Variants in SLC24A3 observed in about 807,000 individuals in gnomAD.
The protein encoded by SLC24A3 is solute carrier family 24 member 3, also known as sodium/potassium/calcium exchanger 3.
SLC24A3 carries 28 observed loss-of-function variants against 75.8 expected under a neutral mutation model. The observed-to-expected ratio is 0.37, with a 90% CI of 0.27 to 0.51. The LOEUF is 0.51. SLC24A3 is among the 20% of genes least tolerant of loss of function. SLC24A3 has a pLI of 0.94. For missense variants in SLC24A3, 663 were observed against 847.8 expected (o/e 0.78, Z 2.71); for synonymous variants, 372 against 334.1 (o/e 1.11, Z -1.24).
At chr20:19,500,085 G>A (rs180724387) in intron 2 of SLC24A3, among the ~76,000 whole-genome samples, 1 of 152,274 alleles carries the variant, frequency 6.6e-6, no homozygotes, top group Non-Finnish European at 1.5e-5. Flanking sequence ...AATGTGTGGT[G>A]CACACCTGTG....
intron 3 of SLC24A3, among the ~76,000 whole-genome samples, chr20:19,523,950 G>A (rs1165849003): frequency 6.6e-6 from 1 of 152,086 alleles, no homozygotes; most frequent in Admixed American, 6.6e-5. Flanking sequence ...CCTGAATACT[G>A]GACAGGCAAG....
chr20:19,513,351 C>T (rs1227672801), intron 2 of SLC24A3, among the ~76,000 whole-genome samples: 1 of 152,194 alleles, frequency 6.6e-6, no homozygotes, highest in Non-Finnish European at 1.5e-5. Flanking sequence ...ATCTGTCTTC[C>T]CCTTGGGTTC....
rs182552582 is a variant in SLC24A3, at chr20:19,213,140, C to T, written c.142+156C>T. On this transcript the variant is annotated intron_variant, in intron 1 of 16. Transcript: ENST00000328041. ...AGTGGGATGCCAGGCACGAGGACTC[C>T]CCCTGCCCCACGCAGAGGCATGGAG... 46 of 825,224 alleles carry T rather than the reference C, an allele frequency of 5.6e-5. No individual in the cohort carries two copies. The East Asian group carries it at 1.8e-3, about 32-fold the overall frequency. The allele number at this position is 825,224 out of a possible 1,614,324, so 51.1% of individuals were successfully genotyped here. A position where few individuals can be genotyped will look rare whatever the true frequency, so the allele number is the denominator to read the frequency against.
At chr20:19,418,585 T>C (rs1986864121) in intron 2 of SLC24A3, among the ~76,000 whole-genome samples, 1 of 151,288 alleles carries the variant, frequency 6.6e-6, no homozygotes, top group Non-Finnish European at 1.5e-5. Context: ...CAAAGAAAAA[T>C]ACAAGAAAAT....
chr20:19,610,389 G>A (rs1371572953), intron 6 of SLC24A3, among the ~76,000 whole-genome samples: 1 of 152,164 alleles, frequency 6.6e-6, no homozygotes, highest in South Asian at 2.1e-4. Context: ...GGAACAGTGG[G>A]GCTGGGCTGG....
intron 15 of SLC24A3, among the ~76,000 whole-genome samples, chr20:19,704,165 GGAGA>G (rs2032902351): frequency 1.5e-5 from 2 of 134,154 alleles, no homozygotes; most frequent in African/African-American, 5.8e-5. Flanking sequence ...ATGGATGGAT[GGAGA>G]GATGGATGGA....
intron 2 of SLC24A3, among the ~76,000 whole-genome samples, chr20:19,495,072 G>A (rs896542189): frequency 3.3e-5 from 5 of 152,166 alleles, no homozygotes; most frequent in Non-Finnish European, 4.4e-5. Flanking sequence ...CCTGCCTTGA[G>A]GCAGGAGCTG....
At chr20:19,547,620 T>C (rs1299000562) in intron 3 of SLC24A3, among the ~76,000 whole-genome samples, 1 of 152,252 alleles carries the variant, frequency 6.6e-6, no homozygotes, top group African/African-American at 2.4e-5. Context: ...TGCTGTCATA[T>C]TTCCCTCTCT....
At chr20:19,568,155 G>A (rs1307066126) in intron 3 of SLC24A3, among the ~76,000 whole-genome samples, 2 of 152,164 alleles carry the variant, frequency 1.3e-5, no homozygotes, top group Non-Finnish European at 2.9e-5. Context: ...GCAAGGATGT[G>A]GAGAAATTGG....
At chr20:19,609,092 C>T (rs750686998) in intron 6 of SLC24A3, among the ~76,000 whole-genome samples, 2 of 152,148 alleles carry the variant, frequency 1.3e-5, no homozygotes, top group Non-Finnish European at 2.9e-5. Flanking sequence ...TCTCTATCCC[C>T]CCAAAGAAAA....
intron 1 of SLC24A3, among the ~76,000 whole-genome samples, chr20:19,247,905 T>C (rs564088956): frequency 6.6e-6 from 1 of 152,274 alleles, no homozygotes; most frequent in African/African-American, 2.4e-5. Flanking sequence ...TGGTTTGGGG[T>C]TAGTGCTTAA....
chr20:19,588,666 A>G (rs2031332296), intron 6 of SLC24A3, among the ~76,000 whole-genome samples: 1 of 152,242 alleles, frequency 6.6e-6, no homozygotes, highest in African/African-American at 2.4e-5. Context: ...TCCTTTATTT[A>G]AAAACGAAGA....
At chr20:19,330,274 C>T (rs974243122) in intron 2 of SLC24A3, among the ~76,000 whole-genome samples, 1 of 152,174 alleles carries the variant, frequency 6.6e-6, no homozygotes, top group East Asian at 1.9e-4. Flanking sequence ...GCTGGTTTCT[C>T]TTTGTCCCAG....
At position 19,674,779 on chromosome 20, in the gene SLC24A3, G is replaced by A. The variant is rs114165799; in HGVS notation, c.767+1125G>A. ...TATTTATATCAAGAATTTGCCAGGC[G>A]CAGTGGCTCATGCCTGTAATCTCAG... is the stretch of plus-strand genomic sequence containing the variant. On this transcript the variant is annotated intron_variant, in intron 9 of 16. Coordinates refer to ENST00000328041, the MANE Select transcript of SLC24A3 (RefSeq NM_020689.4). 7.3e-3 allele frequency among the ~76,000 whole-genome samples: 1,110 copies of A among 152,268 alleles called. 18 individuals carry two copies. Among genetic ancestry groups the A allele is most frequent in the African/African-American group, 0.024 (1,018 of 41,552 alleles).
chr20:19,365,369 G>T (rs2122347784), intron 2 of SLC24A3, among the ~76,000 whole-genome samples: 1 of 152,274 alleles, frequency 6.6e-6, no homozygotes, highest in South Asian at 2.1e-4. Flanking sequence ...CCCTCCAGGT[G>T]AGCCTGGTTC....
intron 6 of SLC24A3, among the ~76,000 whole-genome samples, chr20:19,589,746 A>G (rs1412701566): frequency 6.6e-6 from 1 of 152,156 alleles, no homozygotes; most frequent in Non-Finnish European, 1.5e-5. Context: ...TTCAGGCACC[A>G]CACTAGATTC....
intron 6 of SLC24A3, among the ~76,000 whole-genome samples, chr20:19,595,401 A>G (rs6035387): frequency 0.48 from 72,417 of 151,942 alleles, 18,398 homozygotes; most frequent in African/African-American, 0.65. Context: ...GGGGAGGATG[A>G]GTATATGATC....
chr20:19,383,713 A>G (rs928882997), intron 2 of SLC24A3, among the ~76,000 whole-genome samples: 22 of 152,324 alleles, frequency 1.4e-4, no homozygotes, highest in African/African-American at 5.3e-4. Context: ...TCTTTCTCAC[A>G]GTTCTGGAGT....
chr20:19,317,047 T>C (rs989350657), intron 2 of SLC24A3, among the ~76,000 whole-genome samples: 1 of 151,886 alleles, frequency 6.6e-6, no homozygotes, highest in African/African-American at 2.4e-5. Flanking sequence ...TTGACAAACC[T>C]GACAAAAACA....
Sources: gnomAD v4.1 joint callset for allele counts (sites outside exome capture counted in the v4.1 genomes callset) on GRCh38, gnomAD v4.1.1 for gene constraint, MANE v1.5 for transcripts, NCBI Gene and HGNC (gene_info 2026-07-23, HGNC 2026-07-21) for gene names.